CAMK4: variants seen among roughly 807,000 people sequenced by gnomAD.
CAMK4 encodes calcium/calmodulin-dependent protein kinase type IV.
CAMK4 carries 22 observed loss-of-function variants against 44.9 expected under a neutral mutation model. The observed-to-expected ratio is 0.49, with a 90% confidence interval of 0.35 to 0.70. The LOEUF is 0.70. CAMK4 is among the 30% of genes least tolerant of loss of function. CAMK4 has a pLI of 0.01. For missense variants in CAMK4, 498 were observed against 586.8 expected (o/e 0.85, Z 1.56); for synonymous variants, 218 against 215.4 (o/e 1.01, Z -0.11).
intron 9 of CAMK4, among the ~76,000 whole-genome samples, chr5:111,478,795 C>T (rs1171580589): frequency 6.6e-6 from 1 of 152,188 alleles, no homozygotes; most frequent in Non-Finnish European, 1.5e-5. Flanking sequence ...GAAAGCTGTG[C>T]TGGGTGAATT....
At chr5:111,345,104 A>G (rs1749812626) in intron 2 of CAMK4, among the ~76,000 whole-genome samples, 1 of 151,892 alleles carries the variant, frequency 6.6e-6, no homozygotes, top group African/African-American at 2.4e-5. Context: ...CCAGCTGTTT[A>G]TGTATTGTCT....
intron 1 of CAMK4, among the ~76,000 whole-genome samples, chr5:111,275,491 T>A (rs914009600): frequency 6.6e-6 from 1 of 152,122 alleles, no homozygotes; most frequent in Non-Finnish European, 1.5e-5. Flanking sequence ...CCTCTTGTAT[T>A]CATTTTTTTA....
intron 1 of CAMK4, chr5:111,282,921 G>A (rs1245907428): frequency 6.6e-6 from 1 of 152,206 alleles, no homozygotes; most frequent in Non-Finnish European, 1.5e-5. Context: ...AAAATCACCT[G>A]GCAGCACATC....
chr5:111,235,063 T>C (rs1307422671), intron 1 of CAMK4, among the ~76,000 whole-genome samples: 2 of 152,226 alleles, frequency 1.3e-5, no homozygotes, highest in Admixed American at 1.3e-4. Context: ...ATAGAGACCT[T>C]CACTTGCATT....
chr5:111,424,787 G>A (rs745752280), intron 5 of CAMK4, among the ~76,000 whole-genome samples: 1 of 151,968 alleles, frequency 6.6e-6, no homozygotes, highest in Non-Finnish European at 1.5e-5. Flanking sequence ...GGTGGGAATA[G>A]TAATAGTTCC....
chr5:111,375,018 T>C, intron 3 of CAMK4, 106 bp downstream of exon 3: 1 of 741,064 alleles, frequency 1.3e-6, no homozygotes, highest in East Asian at 2.6e-5. Flanking sequence ...CTCCCACCAC[T>C]GATAGCTACT....
chr5:111,225,013 TG>T (rs1350282584), intron 1 of CAMK4, among the ~76,000 whole-genome samples: 1 of 152,056 alleles, frequency 6.6e-6, no homozygotes, highest in Admixed American at 6.6e-5. Flanking sequence ...TTGTTTAGGG[TG>T]GGGGCCGGAG....
At chr5:111,325,018 G>A (rs889957041) in intron 1 of CAMK4, among the ~76,000 whole-genome samples, 1 of 150,940 alleles carries the variant, frequency 6.6e-6, no homozygotes, top group African/African-American at 2.4e-5. Context: ...CCCCCCAACA[G>A]GCCATGGTGA....
intron 5 of CAMK4, among the ~76,000 whole-genome samples, chr5:111,423,574 A>G (rs1379789550): frequency 4.6e-5 from 7 of 152,232 alleles, no homozygotes; most frequent in Non-Finnish European, 1.0e-4. Flanking sequence ...TTGCTGTTGC[A>G]GAAAATTAGC....
intron 5 of CAMK4, among the ~76,000 whole-genome samples, chr5:111,421,146 C>A (rs1199670314): frequency 6.6e-6 from 1 of 152,188 alleles, no homozygotes; most frequent in East Asian, 1.9e-4. Context: ...TCACAATCCA[C>A]GTTCTTCTGC....
chr5:111,409,397 G>T (rs1315034558), intron 5 of CAMK4, among the ~76,000 whole-genome samples: 1 of 152,184 alleles, frequency 6.6e-6, no homozygotes, highest in Non-Finnish European at 1.5e-5. Flanking sequence ...AGCTGAAGCA[G>T]CTGGGACACA....
At chr5:111,388,846 G>A (rs563350396) in intron 4 of CAMK4, among the ~76,000 whole-genome samples, 38 of 152,120 alleles carry the variant, frequency 2.5e-4, no homozygotes, top group Non-Finnish European at 5.1e-4. Context: ...CTAACTTAAC[G>A]TATGTTGGGG....
At chr5:111,256,850 G>A (rs1227841604) in intron 1 of CAMK4, among the ~76,000 whole-genome samples, 1 of 152,134 alleles carries the variant, frequency 6.6e-6, no homozygotes, top group African/African-American at 2.4e-5. Flanking sequence ...TTGGTCTTCT[G>A]TATTTTGAAA....
At chr5:111,272,071 T>G (rs1440210262) in intron 1 of CAMK4, among the ~76,000 whole-genome samples, 3 of 151,866 alleles carry the variant, frequency 2.0e-5, no homozygotes, top group Non-Finnish European at 4.4e-5. Context: ...TGAATCATGG[T>G]GTCTGGCCCA....
intron 7 of CAMK4, among the ~76,000 whole-genome samples, chr5:111,456,015 T>C (rs754060022): frequency 7.9e-5 from 12 of 152,230 alleles, no homozygotes; most frequent in Non-Finnish European, 1.5e-4. Context: ...AAAGTCATTA[T>C]AATGAATATC....
At chr5:111,383,524 T>A (rs1317963135) in intron 4 of CAMK4, among the ~76,000 whole-genome samples, 1 of 152,156 alleles carries the variant, frequency 6.6e-6, no homozygotes, top group African/African-American at 2.4e-5. Context: ...TTAGCAAGTC[T>A]GTCAGTTCCC....
rs528027774 is a variant in CAMK4, at chr5:111,492,172, A to G, written c.*7706A>G. The G allele has an allele frequency of 4.5e-4, 68 of 152,242 alleles. No individual in the cohort carries two copies. The highest frequency in any genetic ancestry group is 1.6e-3 in the African/African-American group (67 of 41,564). 9.4% of individuals were successfully genotyped at this position (152,242 alleles called of 1,614,324 possible). On this transcript the variant is annotated 3_prime_UTR_variant, in exon 11 of 11. Coordinates refer to ENST00000282356, the MANE Select transcript of CAMK4 (RefSeq NM_001744.6). ...TAGTGACCGAGATATGGAGAAAAAC[A>G]TAGGCATTCATGACCTTTGTGTTTC...
chr5:111,426,452 A>G (rs1753228839), intron 5 of CAMK4, among the ~76,000 whole-genome samples: 1 of 152,216 alleles, frequency 6.6e-6, no homozygotes, highest in Non-Finnish European at 1.5e-5. Flanking sequence ...TTTGGGGCAG[A>G]GAAAGATGGT....
intron 8 of CAMK4, among the ~76,000 whole-genome samples, chr5:111,475,964 A>G (rs1406952647): frequency 6.6e-6 from 1 of 152,226 alleles, no homozygotes; most frequent in African/African-American, 2.4e-5. Context: ...AAGAATTAGA[A>G]CTAAAGATCC....
Sources: gnomAD v4.1 joint callset for allele counts (sites outside exome capture counted in the v4.1 genomes callset) on GRCh38, gnomAD v4.1.1 for gene constraint, MANE v1.5 for transcripts, NCBI Gene and HGNC (gene_info 2026-07-23, HGNC 2026-07-21) for gene names.